PIK3R3: variants seen among roughly 807,000 people sequenced by gnomAD.
PIK3R3 encodes phosphoinositide-3-kinase regulatory subunit 3, also known as phosphatidylinositol 3-kinase regulatory subunit gamma.
PIK3R3 carries 64 observed loss-of-function variants against 62.9 expected under a neutral mutation model. That is an observed-to-expected ratio of 1.02 (90% confidence interval 0.83 to 1.25). The LOEUF is 1.25. PIK3R3 is among the 50% of genes most tolerant of loss of function. PIK3R3 has a pLI of 0.00. For synonymous variants in PIK3R3, 165 were observed against 189.0 expected (o/e 0.87, Z 1.04); for missense variants, 614 against 561.6 (o/e 1.09, Z -0.94).
At chr1:46,156,612 C>T in the PIK3R3 span, among the ~76,000 whole-genome samples, 1 of 152,080 alleles carries the variant, frequency 6.6e-6, no homozygotes, top group African/African-American at 2.4e-5. Context: ...AGAGCCTGAC[C>T]GGGTCTCTCT....
At chr1:46,133,224 A>G (rs1655781503), upstream of PIK3R3, among the ~76,000 whole-genome samples, 1 of 152,232 alleles carries the variant, frequency 6.6e-6, no homozygotes, top group Non-Finnish European at 1.5e-5. Flanking sequence ...AAAAAAAAGA[A>G]AGAAAGAAAG....
At chr1:46,131,674 T>A (rs1655605800) in intron 1 of PIK3R3, 173 bp downstream of exon 1, 1 of 485,328 alleles carries the variant, frequency 2.1e-6, no homozygotes, top group Non-Finnish European at 3.9e-6. Flanking sequence ...GGGTCCTAAC[T>A]GCAAACTTTA....
upstream of PIK3R3, among the ~76,000 whole-genome samples, chr1:46,136,682 GCA>G (rs1360906983): frequency 6.6e-6 from 1 of 152,188 alleles, no homozygotes; most frequent in African/African-American, 2.4e-5. Flanking sequence ...ATACACCTCA[GCA>G]TGTGATGTAG....
rs746680233 is a variant in PIK3R3, at chr1:46,131,970, G to A, written c.-18C>T. ...TTGTACATCGCGCTGTCAGGGGCAG[G>A]TCGCCAGGAGATATATAGAAGGCAT... On this transcript the variant is annotated 5_prime_UTR_variant, in exon 1 of 10. Transcript: ENST00000262741. The A allele has an allele frequency of 2.5e-6, 4 of 1,612,192 alleles. No homozygotes were observed. Among genetic ancestry groups the A allele is most frequent in the Non-Finnish European group, 3.4e-6 (4 of 1,179,542 alleles).
At chr1:46,159,768 G>T in the PIK3R3 span, among the ~76,000 whole-genome samples, 1 of 139,204 alleles carries the variant, frequency 7.2e-6, no homozygotes, top group South Asian at 2.3e-4. Context: ...CACACACACA[G>T]AAAAACAAAT....
upstream of PIK3R3, chr1:46,132,691 C>T: frequency 7.8e-7 from 1 of 1,289,734 alleles, no homozygotes; most frequent in Non-Finnish European, 1.0e-6. Flanking sequence ...CCGCCCCATG[C>T]TGCCCACCCG....
the PIK3R3 span, among the ~76,000 whole-genome samples, chr1:46,171,508 C>T: frequency 6.4e-4 from 97 of 152,072 alleles, 2 homozygotes; most frequent in South Asian, 4.2e-4. Flanking sequence ...GAACAGAGGC[C>T]GGAAGTGGGG....
chr1:46,063,988 C>T (rs931374725), intron 5 of PIK3R3, among the ~76,000 whole-genome samples: 3 of 150,748 alleles, frequency 2.0e-5, no homozygotes, highest in Admixed American at 1.3e-4. Context: ...TGAGTCGGGT[C>T]GATCACTTCA....
intron 1 of PIK3R3, chr1:46,131,584 A>C: frequency 2.0e-6 from 1 of 512,112 alleles, no homozygotes; most frequent in Non-Finnish European, 3.7e-6. Flanking sequence ...AGTAAAAAAT[A>C]ATGATAATTT....
At chr1:46,169,823 A>G in the PIK3R3 span, among the ~76,000 whole-genome samples, 3 of 152,238 alleles carry the variant, frequency 2.0e-5, no homozygotes, top group Non-Finnish European at 4.4e-5. Flanking sequence ...CTGAGTTTGC[A>G]GTAGTTTCCC....
intron 1 of PIK3R3, among the ~76,000 whole-genome samples, chr1:46,087,110 C>T (rs983833105): frequency 1.8e-4 from 28 of 152,140 alleles, no homozygotes; most frequent in African/African-American, 6.5e-4. Flanking sequence ...CACACCAGGG[C>T]CCGTCGTGTG....
the PIK3R3 span, among the ~76,000 whole-genome samples, chr1:46,167,879 G>T: frequency 5.9e-5 from 9 of 152,178 alleles, no homozygotes; most frequent in Admixed American, 5.9e-4. Flanking sequence ...CCTGTGGCCG[G>T]GTGCAGTGAC....
chr1:46,103,740 G>A (rs1390798544), intron 1 of PIK3R3, among the ~76,000 whole-genome samples: 2 of 146,544 alleles, frequency 1.4e-5, no homozygotes, highest in Non-Finnish European at 3.0e-5. Flanking sequence ...GATTACAGGT[G>A]CCTGCCACCA....
chr1:46,149,148 G>A, the PIK3R3 span, among the ~76,000 whole-genome samples: 2 of 152,100 alleles, frequency 1.3e-5, no homozygotes, highest in East Asian at 1.9e-4. Context: ...CCGGCTGGGC[G>A]GAAGTGGCTC....
At chr1:46,068,378 A>G (rs926634363) in intron 3 of PIK3R3, among the ~76,000 whole-genome samples, 5 of 152,244 alleles carry the variant, frequency 3.3e-5, no homozygotes, top group African/African-American at 9.6e-5. Context: ...GACACAGTCC[A>G]TGCTCTCATG....
At chr1:46,104,903 G>C in intron 1 of PIK3R3, 1 of 509,754 alleles carries the variant, frequency 2.0e-6, no homozygotes, top group East Asian at 3.4e-5. Context: ...ACTCCAGCCT[G>C]GGTGACAGAG....
Position 46,080,847 on chromosome 1 carries a change from T to C in PIK3R3, c.107-97A>G, listed in dbSNP as rs1296649207. On this transcript the variant is annotated intron_variant, in intron 1 of 9. Coordinates refer to ENST00000262741, the MANE Select transcript of PIK3R3 (RefSeq NM_003629.4). Reference sequence around the variant, plus strand: ...CACTAACCAAGGTATGTTAAGATTCTAATAATTATCAATCAAATTGAGTAT... The same window carrying C: ...CACTAACCAAGGTATGTTAAGATTCCAATAATTATCAATCAAATTGAGTAT... 3 of 715,852 alleles carry C rather than the reference T, an allele frequency of 4.2e-6. No individual in the cohort carries two copies. The African/African-American group carries it at 5.3e-5, about 13-fold the overall frequency. The allele number at this position is 715,852 out of a possible 1,614,324, so 44.3% of individuals were successfully genotyped here. A position where few individuals can be genotyped will look rare whatever the true frequency, so the allele number is the denominator to read the frequency against.
At chr1:46,140,899 C>T in the PIK3R3 span, among the ~76,000 whole-genome samples, 1 of 151,924 alleles carries the variant, frequency 6.6e-6, no homozygotes, top group South Asian at 2.1e-4. Context: ...CTTGCTTTGT[C>T]ACTCAGGCTG....
chr1:46,058,312 G>A (rs547706803), intron 6 of PIK3R3, among the ~76,000 whole-genome samples: 37 of 152,374 alleles, frequency 2.4e-4, no homozygotes, highest in African/African-American at 8.7e-4. Context: ...TGCTGGGGCA[G>A]TGTGGAAGGG....
Sources: gnomAD v4.1 joint callset for allele counts (sites outside exome capture counted in the v4.1 genomes callset) on GRCh38, gnomAD v4.1.1 for gene constraint, MANE v1.5 for transcripts, NCBI Gene and HGNC (gene_info 2026-07-23, HGNC 2026-07-21) for gene names.